NYX: variants seen among roughly 807,000 people sequenced by gnomAD.
The protein encoded by NYX is nyctalopin, also known as leucine-rich repeat protein.
For synonymous variants in NYX, 258 were observed against 245.7 expected (o/e 1.05, Z -0.47); for missense variants, 481 against 485.4 (o/e 0.99, Z 0.09).
chrX:41,472,948 G>A (rs924903396), intron 2 of NYX, among the ~76,000 whole-genome samples: 1 of 111,468 alleles, frequency 9.0e-6, no homozygotes, highest in African/African-American at 3.3e-5. Context: ...ACAGGAGCCC[G>A]TCACCACGCC....
At chrX:41,465,603 C>T (rs2064335089) in intron 2 of NYX, among the ~76,000 whole-genome samples, 1 of 103,424 alleles carries the variant, frequency 9.7e-6, no homozygotes, top group Admixed American at 1.0e-4. Context: ...GATCTCAGCT[C>T]ACTGCAACCT....
Position 41,474,449 on chromosome X carries a change from C to T in NYX, c.981C>T (p.Phe327=). The T allele has an allele frequency of 8.3e-7, 1 of 1,209,082 alleles. No homozygotes were observed. The highest frequency in any genetic ancestry group is 1.1e-6 in the Non-Finnish European group (1 of 895,460). Reference sequence around the variant, plus strand: ...CCGGCTTCTTCCTGGGCCGCCTCTTCCTCTTCCGCAACCCGTGGTGCTGCG... The same window carrying T: ...CCGGCTTCTTCCTGGGCCGCCTCTTTCTCTTCCGCAACCCGTGGTGCTGCG... ...FQPGFFLGRL[F]LFRNPWCCDC... Residue 327 remains phenylalanine (F), a synonymous_variant, in exon 3 of 3, where the codon TTC becomes TTT. Transcript: ENST00000378220.
At chrX:41,462,464 T>C (rs1192854540) in intron 2 of NYX, among the ~76,000 whole-genome samples, 4 of 112,269 alleles carry the variant, frequency 3.6e-5, no homozygotes, top group Non-Finnish European at 7.5e-5. Flanking sequence ...ACTTGGCACC[T>C]GTTTTAGTCC....
chrX:41,456,800 T>C (rs1463805525), intron 2 of NYX, among the ~76,000 whole-genome samples: 1 of 111,773 alleles, frequency 8.9e-6, no homozygotes, highest in Non-Finnish European at 1.9e-5. Context: ...GGACGTATGA[T>C]GTTGGAAATT....
At chrX:41,456,828 G>A in intron 2 of NYX, among the ~76,000 whole-genome samples, 1 of 111,880 alleles carries the variant, frequency 8.9e-6, no homozygotes, top group African/African-American at 3.2e-5. Flanking sequence ...TGTAGAAAGA[G>A]TGCTTAAAAG....
chrX:41,473,228 G>A (rs1353684712), intron 2 of NYX, among the ~76,000 whole-genome samples: 2 of 111,712 alleles, frequency 1.8e-5, no homozygotes, highest in South Asian at 3.7e-4. Flanking sequence ...AGTTTAGAAC[G>A]GGGTCAGCTG....
chrX:41,449,305 C>T (rs1237959674), intron 2 of NYX, among the ~76,000 whole-genome samples: 1 of 111,729 alleles, frequency 9.0e-6, no homozygotes, highest in African/African-American at 3.2e-5. Context: ...TTTTCAAAAA[C>T]CGGAACTTGC....
At chrX:41,471,017 A>C (rs1252651488) in intron 2 of NYX, among the ~76,000 whole-genome samples, 1 of 111,348 alleles carries the variant, frequency 9.0e-6, no homozygotes, top group Non-Finnish European at 1.9e-5. Context: ...GAAAGGAGGG[A>C]GTTTTTTATT....
rs894590769 is a variant in NYX at position 41,472,400 on chromosome X, C to A, written c.23-1091C>A. 4 of 1,159,683 alleles carry A rather than the reference C, an allele frequency of 3.4e-6. No homozygotes were observed. In the African/African-American group the frequency reaches 5.3e-5, roughly 15 times the overall value. ...TCCAAAGTGGGTGGCCACACGCACACCCTCGTGCAATGTGAAGCTCACCTG... is the reference window on the plus strand; with the variant it reads ...TCCAAAGTGGGTGGCCACACGCACAACCTCGTGCAATGTGAAGCTCACCTG... On this transcript the variant is annotated intron_variant, in intron 2 of 2. Coordinates refer to ENST00000378220, the MANE Select transcript of NYX (RefSeq NM_001378477.3).
rs1308940856 is a variant in NYX, at chrX:41,474,434, C to T, written c.966C>T (p.Phe322=). 1 of 1,208,370 alleles carries T rather than the reference C, an allele frequency of 8.3e-7. No homozygotes were observed. Among genetic ancestry groups the T allele is most frequent in the South Asian group, 1.8e-5 (1 of 56,990 alleles). Residue 322 remains phenylalanine, a synonymous_variant, in exon 3 of 3, where the codon TTC becomes TTT. Coordinates refer to ENST00000378220, the MANE Select transcript of NYX (RefSeq NM_001378477.3). ...GGGTCGCCTTCCAGCCCGGCTTCTT[C>T]CTGGGCCGCCTCTTCCTCTTCCGCA... is the stretch of plus-strand genomic sequence containing the variant. ...LAWVAFQPGF[F]LGRLFLFRNP...
intron 2 of NYX, among the ~76,000 whole-genome samples, chrX:41,456,418 T>A (rs2859021): frequency 0.32 from 35,320 of 110,290 alleles, 4,696 homozygotes; most frequent in African/African-American, 0.47. Context: ...CAAAGCATCT[T>A]CTCTAGGTCA....
At position 41,455,386 on chromosome X, in the gene NYX, C is replaced by A. The variant is rs185224661; in HGVS notation, c.22+7460C>A. Among the ~76,000 whole-genome samples, 270 of 110,385 alleles carry A rather than the reference C, an allele frequency of 2.4e-3. 1 individual carries two copies. Among genetic ancestry groups the A allele is most frequent in the African/African-American group, 8.4e-3 (254 of 30,378 alleles). On this transcript the variant is annotated intron_variant, in intron 2 of 2. Coordinates refer to ENST00000378220, the MANE Select transcript of NYX (RefSeq NM_001378477.3). ...CCTCCCAAAGTGCTGGGATTACAGGCATGAGTCACTGCGCCCAGCCTGAGG... is the reference window on the plus strand; with the variant it reads ...CCTCCCAAAGTGCTGGGATTACAGGAATGAGTCACTGCGCCCAGCCTGAGG...
intron 2 of NYX, among the ~76,000 whole-genome samples, chrX:41,469,109 T>C (rs1292219433): frequency 8.9e-6 from 1 of 111,823 alleles, no homozygotes; most frequent in Non-Finnish European, 1.9e-5. Flanking sequence ...CTGAGAGGGC[T>C]GGATCCACTT....
intron 2 of NYX, among the ~76,000 whole-genome samples, chrX:41,450,626 C>T (rs1178121049): frequency 1.0e-5 from 1 of 98,359 alleles, no homozygotes; most frequent in Non-Finnish European, 2.0e-5. Flanking sequence ...TGAGGTGCCA[C>T]TCACACAGCT....
Position 41,472,323 on chromosome X carries a change from T to C in NYX, c.23-1168T>C, listed in dbSNP as rs1335315496. ...AGCAGCGCCTCTGCTTGCACACCTA[T>C]GGGAGTCTGTAGCTGTGACACATAG... On this transcript the variant is annotated intron_variant, in intron 2 of 2. Transcript: ENST00000378220. 6.1e-6 allele frequency: 7 copies of C among 1,148,613 alleles called. No individual in the cohort carries two copies. In the East Asian group the frequency reaches 1.8e-4, roughly 29 times the overall value. The allele number at this position is 1,148,613 out of a possible 1,213,427, so 94.7% of individuals were successfully genotyped here.
At chrX:41,464,974 T>C (rs764336542) in intron 2 of NYX, among the ~76,000 whole-genome samples, 1 of 111,600 alleles carries the variant, frequency 9.0e-6, no homozygotes, top group African/African-American at 3.2e-5. Flanking sequence ...TAATCTGCTA[T>C]TTATCTTATT....
At chrX:41,458,970 C>T (rs2064308397) in intron 2 of NYX, among the ~76,000 whole-genome samples, 1 of 109,247 alleles carries the variant, frequency 9.2e-6, no homozygotes, top group African/African-American at 3.3e-5. Context: ...GTAGTCCCAG[C>T]TACTTGGGAG....
chrX:41,447,425 C>T lies in NYX; in HGVS notation c.-148C>T. 8.4e-6 allele frequency: 1 copy of T among 118,537 alleles called. No homozygotes were observed. The highest frequency in any genetic ancestry group is 1.7e-5 in the Non-Finnish European group (1 of 58,961). The allele number at this position is 118,537 out of a possible 1,213,427, so 9.8% of individuals were successfully genotyped here. On this transcript the variant is annotated 5_prime_UTR_variant, in exon 1 of 3. Coordinates refer to ENST00000378220, the MANE Select transcript of NYX (RefSeq NM_001378477.3). ...CTTTACTTCTCTCTCAAACCATTTT[C>T]AGCATCTGTGGCTGCCTGACTTGGG...
At position 41,473,758 on chromosome X, in the gene NYX, C is replaced by A. The variant is rs867264421; in HGVS notation, c.290C>A (p.Thr97Lys). 2 of 1,149,794 alleles carry A rather than the reference C, an allele frequency of 1.7e-6. No homozygotes were observed. The highest frequency in any genetic ancestry group is 1.1e-6 in the Non-Finnish European group (1 of 870,442). The allele number at this position is 1,149,794 out of a possible 1,213,427, so 94.8% of individuals were successfully genotyped here. A position where few individuals can be genotyped will look rare whatever the true frequency, so the allele number is the denominator to read the frequency against. ...CGCCACAACAACCTGTCCTTCATCACGCCCGGCGCCTTCAAGGGCCTGCCG... is the reference window on the plus strand; with the variant it reads ...CGCCACAACAACCTGTCCTTCATCAAGCCCGGCGCCTTCAAGGGCCTGCCG... ...SLRHNNLSFI[T>K]PGAFKGLPRL... Residue 97 changes from threonine (T) to lysine (K), a missense_variant, in exon 3 of 3, where the codon ACG becomes AAG. Coordinates refer to ENST00000378220, the MANE Select transcript of NYX (RefSeq NM_001378477.3).
Sources: gnomAD v4.1 joint callset for allele counts (sites outside exome capture counted in the v4.1 genomes callset) on GRCh38, gnomAD v4.1.1 for gene constraint, MANE v1.5 for transcripts, NCBI Gene and HGNC (gene_info 2026-07-23, HGNC 2026-07-21) for gene names.